Variants in JPH3 observed in about 807,000 individuals in gnomAD.
The protein encoded by JPH3 is junctophilin-3.
In JPH3, 11 loss-of-function variants were observed where a neutral mutation model predicts 59.6. The observed-to-expected ratio is 0.18, with a 90% confidence interval of 0.12 to 0.31. JPH3 has a LOEUF of 0.31. Ranked by LOEUF, JPH3 falls within the 10% of genes least tolerant of loss-of-function variation. The pLI, the probability that JPH3 is intolerant of heterozygous loss-of-function variation, is 1.00. For missense variants in JPH3, 1,202 were observed against 1,105.7 expected, an observed-to-expected ratio of 1.09 and a Z score of -1.24; for synonymous variants, 673 against 483.6, an observed-to-expected ratio of 1.39 and a Z score of -5.14.
intron 3 of JPH3, chr16:87,684,527 C>T (rs1049169380): frequency 1.3e-5 from 6 of 472,464 alleles, no homozygotes; most frequent in South Asian, 2.5e-5. Flanking sequence ...TGTTGCTTGC[C>T]GGCTGTCCCT....
At chr16:87,671,107 C>G (rs1299806456) in intron 2 of JPH3, among the ~76,000 whole-genome samples, 4 of 152,302 alleles carry the variant, frequency 2.6e-5, no homozygotes, top group South Asian at 2.1e-4. Context: ...CTTGAAATTC[C>G]TAATCATTGA....
chr16:87,626,386 G>A (rs917859449), intron 1 of JPH3, among the ~76,000 whole-genome samples: 3 of 152,290 alleles, frequency 2.0e-5, no homozygotes, highest in Middle Eastern at 3.4e-3. Context: ...CTCCGACCGC[G>A]AGTCCTCCAG....
At chr16:87,674,024 G>A (rs1326306021) in intron 2 of JPH3, among the ~76,000 whole-genome samples, 1 of 144,742 alleles carries the variant, frequency 6.9e-6, no homozygotes, top group African/African-American at 2.5e-5. Flanking sequence ...CCAAGATACA[G>A]TGTTAAGTTA....
chr16:87,604,696 C>T (rs2030446890), intron 1 of JPH3: 8 of 1,133,326 alleles, frequency 7.1e-6, no homozygotes, highest in Non-Finnish European at 8.8e-6. Flanking sequence ...GGAACACCTG[C>T]TCCACGGCCA....
At chr16:87,672,094 T>C (rs187609089) in intron 2 of JPH3, among the ~76,000 whole-genome samples, 106 of 152,102 alleles carry the variant, frequency 7.0e-4, no homozygotes, top group African/African-American at 2.4e-3. Flanking sequence ...CCGGGCGGGG[T>C]TCACCTGCTA....
At chr16:87,615,874 C>T (rs772579312) in intron 1 of JPH3, among the ~76,000 whole-genome samples, 1 of 152,192 alleles carries the variant, frequency 6.6e-6, no homozygotes, top group African/African-American at 2.4e-5. Flanking sequence ...CAGCACCCGA[C>T]AGCAGAGGAG....
intron 2 of JPH3, among the ~76,000 whole-genome samples, chr16:87,650,715 C>G (rs765052144): frequency 3.3e-5 from 5 of 152,198 alleles, no homozygotes; most frequent in Admixed American, 6.5e-5. Flanking sequence ...TCAAACTAAC[C>G]ACAAGCCTGA....
chr16:87,646,312 T>G (rs1567597286), intron 2 of JPH3, among the ~76,000 whole-genome samples: 1 of 152,240 alleles, frequency 6.6e-6, no homozygotes, highest in Non-Finnish European at 1.5e-5. Flanking sequence ...GCTCGCGACT[T>G]CTATTGTTTT....
At chr16:87,642,834 C>T (rs13333758) in intron 1 of JPH3, among the ~76,000 whole-genome samples, 45,343 of 152,208 alleles carry the variant, frequency 0.3, 6,836 homozygotes, top group South Asian at 0.34. Flanking sequence ...AGTCACAGCT[C>T]ACAGAGCAAG....
At chr16:87,651,340 G>A (rs965837284) in intron 2 of JPH3, among the ~76,000 whole-genome samples, 2 of 152,222 alleles carry the variant, frequency 1.3e-5, no homozygotes, top group Non-Finnish European at 2.9e-5. Context: ...TGCAGCTGTG[G>A]ATCAAGGACT....
chr16:87,644,383 G>A lies in JPH3; in HGVS notation c.508G>A (p.Glu170Lys), dbSNP rs1439743292. The A allele has an allele frequency of 2.5e-6, 4 of 1,612,824 alleles. No homozygotes were observed. Among genetic ancestry groups the A allele is most frequent in the Non-Finnish European group, 3.4e-6 (4 of 1,179,882 alleles). Reference protein sequence around the residue: ...LRTSINSLRSEHTNGTALHPD... With the variant: ...LRTSINSLRSKHTNGTALHPD... ...GACGTCCATCAACTCCCTGCGCAGCGAGCACACCAACGGCACGGCGCTGCA... is the reference window on the plus strand; with the variant it reads ...GACGTCCATCAACTCCCTGCGCAGCAAGCACACCAACGGCACGGCGCTGCA... Residue 170 changes from glutamate (E) to lysine (K), a missense_variant, in exon 2 of 5, where the codon GAG (glutamate) becomes AAG (lysine). Transcript: ENST00000284262.
Position 87,690,351 on chromosome 16 carries a change from A to G in JPH3, c.1991A>G (p.Asn664Ser). 2 of 1,565,558 alleles carry G rather than the reference A, an allele frequency of 1.3e-6. No individual in the cohort carries two copies. Among genetic ancestry groups the G allele is most frequent in the Non-Finnish European group, 1.7e-6 (2 of 1,157,846 alleles). The change falls in exon 4 of 5, where the codon AAC (asparagine) becomes AGC (serine). Residue 664 changes from asparagine to serine, a missense_variant. By Grantham distance (46) the Asn-to-Ser change is conservative (BLOSUM62 1). Transcript: ENST00000284262. Reference protein sequence around the residue: ...RLRSKAQNKENFRPASSAEPA... With the variant: ...RLRSKAQNKESFRPASSAEPA... ...CGGTCCAAGGCCCAGAACAAGGAGA[A>G]CTTCAGGCCGGCCTCCTCCGCGGAG...
At chr16:87,642,803 C>T (rs1027935061) in intron 1 of JPH3, among the ~76,000 whole-genome samples, 1 of 152,226 alleles carries the variant, frequency 6.6e-6, no homozygotes. Flanking sequence ...TGAGGGCCAG[C>T]GGGGCCCAGA....
chr16:87,657,166 T>G (rs1567602254), intron 2 of JPH3, among the ~76,000 whole-genome samples: 1 of 152,154 alleles, frequency 6.6e-6, no homozygotes, highest in Non-Finnish European at 1.5e-5. Flanking sequence ...TGCCTGTGGG[T>G]GAGCCCTGCT....
chr16:87,664,850 A>G (rs2032812841), intron 2 of JPH3, among the ~76,000 whole-genome samples: 1 of 152,128 alleles, frequency 6.6e-6, no homozygotes, highest in South Asian at 2.1e-4. Flanking sequence ...TGGCAGAGCA[A>G]GACCTGTATG....
At chr16:87,608,704 C>T (rs1388544300) in intron 1 of JPH3, among the ~76,000 whole-genome samples, 4 of 152,194 alleles carry the variant, frequency 2.6e-5, no homozygotes, top group Non-Finnish European at 5.9e-5. Context: ...CAGTGACCGC[C>T]TGGTCCCGGA....
At chr16:87,656,201 C>A (rs966583390) in intron 2 of JPH3, among the ~76,000 whole-genome samples, 2 of 152,254 alleles carry the variant, frequency 1.3e-5, no homozygotes, top group African/African-American at 4.8e-5. Context: ...GGTGCCGTGA[C>A]ACCTATTTTA....
Position 87,688,778 on chromosome 16 carries a change from G to A in JPH3, c.1286-868G>A, listed in dbSNP as rs1051758214. On this transcript the variant is annotated intron_variant, in intron 3 of 4. Coordinates refer to ENST00000284262, the MANE Select transcript of JPH3 (RefSeq NM_020655.4). ...TGAGATGAACGTGTAACTGTTCCCC[G>A]GAGGGTAAGAAGCGCCGCGTTCTTG... Among the ~76,000 whole-genome samples the A allele has an allele frequency of 1.5e-4, 23 of 152,324 alleles. No individual in the cohort carries two copies. The East Asian group carries it at 3.7e-3, about 24-fold the overall frequency.
chr16:87,668,614 C>G (rs1260177399), intron 2 of JPH3, among the ~76,000 whole-genome samples: 1 of 152,170 alleles, frequency 6.6e-6, no homozygotes, highest in East Asian at 1.9e-4. Context: ...TGAGCTGAGC[C>G]AGGGCACGGG....
Sources: allele counts gnomAD v4.1 joint callset (sites outside exome capture counted in the v4.1 genomes callset), GRCh38; gene constraint gnomAD v4.1.1; transcripts MANE v1.5; gene names NCBI Gene and HGNC (gene_info 2026-07-23, HGNC 2026-07-21).